Variants in ALDH1A2 observed in about 807,000 individuals in gnomAD.
ALDH1A2 encodes aldehyde dehydrogenase 1 family member A2, also known as retinal dehydrogenase 2.
A neutral mutation model predicts 60.3 loss-of-function variants in ALDH1A2; 27 were observed. The observed-to-expected ratio is 0.45, with a 90% CI of 0.33 to 0.62. ALDH1A2 has a LOEUF of 0.62. Ranked by LOEUF, ALDH1A2 falls within the 20% of genes least tolerant of loss-of-function variation. The pLI, the probability that ALDH1A2 is intolerant of heterozygous loss-of-function variation, is 0.02. For synonymous variants in ALDH1A2, 289 were observed against 232.4 expected, an observed-to-expected ratio of 1.24 and a Z score of -2.21; for missense variants, 581 against 643.8, an observed-to-expected ratio of 0.90 and a Z score of 1.06.
chr15:58,059,480 T>C (rs187300386), intron 1 of ALDH1A2, among the ~76,000 whole-genome samples: 2 of 152,336 alleles, frequency 1.3e-5, no homozygotes, highest in East Asian at 3.9e-4. Flanking sequence ...TAAAGTAAGA[T>C]ACCTTCCCAC....
rs148620459 is a variant in ALDH1A2, at chr15:57,969,441, T to C, written c.799-3614A>G. On this transcript the variant is annotated intron_variant, in intron 7 of 12. Coordinates refer to ENST00000249750, the MANE Select transcript of ALDH1A2 (RefSeq NM_003888.4). ...CCTGTGGGATTAGAAAGTATAAGAA[T>C]GAACGAATTACGCATACAACAAAGG... Among the ~76,000 whole-genome samples, 389 of 152,308 alleles carry C rather than the reference T, an allele frequency of 2.6e-3. 4 individuals are homozygous for C. The highest frequency in any genetic ancestry group is 9.1e-3 in the African/African-American group (380 of 41,568).
At chr15:58,045,660 C>T (rs1026170605) in intron 1 of ALDH1A2, among the ~76,000 whole-genome samples, 30 of 152,080 alleles carry the variant, frequency 2.0e-4, no homozygotes, top group Non-Finnish European at 3.7e-4. Context: ...AACCAAACAC[C>T]GCATATTCTC....
intron 7 of ALDH1A2, among the ~76,000 whole-genome samples, chr15:57,969,414 A>C (rs867604295): frequency 1.3e-5 from 2 of 152,344 alleles, no homozygotes; most frequent in South Asian, 4.1e-4. Flanking sequence ...CCGAAGTCAA[A>C]GCCTGTGGGA....
intron 4 of ALDH1A2, among the ~76,000 whole-genome samples, chr15:58,000,225 T>A (rs1232973814): frequency 1.3e-5 from 2 of 151,904 alleles, no homozygotes; most frequent in African/African-American, 4.8e-5. Flanking sequence ...CCCTAGACCT[T>A]GTAATCTCAC....
intron 1 of ALDH1A2, among the ~76,000 whole-genome samples, chr15:58,059,635 G>A (rs954790613): frequency 2.6e-5 from 4 of 152,012 alleles, no homozygotes; most frequent in East Asian, 1.9e-4. Context: ...TCAGCTAATC[G>A]GGCATATTGA....
intron 7 of ALDH1A2, among the ~76,000 whole-genome samples, chr15:57,977,276 T>C (rs578134195): frequency 3.9e-5 from 6 of 152,128 alleles, no homozygotes; most frequent in Non-Finnish European, 7.4e-5. Flanking sequence ...TTTGTCAATT[T>C]TGGCCATTGC....
intron 7 of ALDH1A2, among the ~76,000 whole-genome samples, chr15:57,977,042 G>C (rs1380695262): frequency 6.7e-6 from 1 of 150,320 alleles, no homozygotes; most frequent in Non-Finnish European, 1.5e-5. Context: ...CATGTTTAAC[G>C]GCCACGTCTT....
chr15:58,059,485 T>C (rs1896970209), intron 1 of ALDH1A2, among the ~76,000 whole-genome samples: 1 of 152,194 alleles, frequency 6.6e-6, no homozygotes, highest in Non-Finnish European at 1.5e-5. Flanking sequence ...TAAGATACCT[T>C]CCCACTGTCA....
At chr15:58,057,043 C>T (rs757988208) in intron 1 of ALDH1A2, among the ~76,000 whole-genome samples, 9 of 152,026 alleles carry the variant, frequency 5.9e-5, no homozygotes, top group Admixed American at 1.3e-4. Flanking sequence ...TACATATACT[C>T]CATGAGCCAG....
At chr15:57,987,881 CAAA>C (rs34307559) in intron 7 of ALDH1A2, among the ~76,000 whole-genome samples, 57 of 92,236 alleles carry the variant, frequency 6.2e-4, no homozygotes, top group African/African-American at 1.6e-3. Context: ...GCTGACCCCT[CAAA>C]AAAAAAAAAA....
intron 7 of ALDH1A2, chr15:57,979,909 G>C (rs1308523192): frequency 1.9e-5 from 7 of 363,034 alleles, no homozygotes; most frequent in Non-Finnish European, 3.4e-5. Context: ...CATCTGCAGG[G>C]ACATGGAGGA....
chr15:57,985,700 A>ACTATACATAAGATAC (rs1448249950), intron 7 of ALDH1A2, among the ~76,000 whole-genome samples: 2 of 152,150 alleles, frequency 1.3e-5, no homozygotes, highest in African/African-American at 4.8e-5. Context: ...ATGTATGTTT[A>ACTATACATAAGATAC]CTATACATAA....
rs539749399 is a variant in ALDH1A2 at position 58,027,923 on chromosome 15, T to C, written c.118-13642A>G. Among the ~76,000 whole-genome samples the C allele has an allele frequency of 1.6e-4, 24 of 152,292 alleles. No individual in the cohort carries two copies. The East Asian group carries it at 2.7e-3, about 17-fold the overall frequency. On this transcript the variant is annotated intron_variant, in intron 1 of 12. Transcript: ENST00000249750. Reference sequence around the variant, plus strand: ...GTGAAAAGACCAACTCTATGTTTGATTGGTGTACCTGAAAGTGACGGGGAC... The same window carrying C: ...GTGAAAAGACCAACTCTATGTTTGACTGGTGTACCTGAAAGTGACGGGGAC...
intron 7 of ALDH1A2, among the ~76,000 whole-genome samples, chr15:57,983,854 A>G (rs1437909081): frequency 1.3e-5 from 2 of 152,234 alleles, no homozygotes; most frequent in Admixed American, 1.3e-4. Context: ...AATTGACTGG[A>G]AACAACTTAA....
At chr15:58,011,836 GATAGGCATT>G (rs1895643233) in intron 3 of ALDH1A2, among the ~76,000 whole-genome samples, 1 of 152,160 alleles carries the variant, frequency 6.6e-6, no homozygotes, top group Admixed American at 6.5e-5. Flanking sequence ...ATGTTTACAA[GATAGGCATT>G]ACATTCTCTA....
chr15:57,960,697 AT>A (rs1555398604), intron 12 of ALDH1A2, 72 bp downstream of exon 12: 3 of 1,342,814 alleles, frequency 2.2e-6, no homozygotes, highest in Non-Finnish European at 2.1e-6. Flanking sequence ...TAATTAAACT[AT>A]TTTTTAAGTA....
At chr15:58,036,086 A>C (rs1159521989) in intron 1 of ALDH1A2, among the ~76,000 whole-genome samples, 1 of 151,692 alleles carries the variant, frequency 6.6e-6, no homozygotes, top group Non-Finnish European at 1.5e-5. Context: ...TTGCTATTAT[A>C]ATATGAAATA....
At chr15:58,024,961 G>A (rs1341327570) in intron 1 of ALDH1A2, among the ~76,000 whole-genome samples, 1 of 151,996 alleles carries the variant, frequency 6.6e-6, no homozygotes, top group Non-Finnish European at 1.5e-5. Flanking sequence ...AATAAAAATA[G>A]AAATTTAAAA....
intron 1 of ALDH1A2, among the ~76,000 whole-genome samples, chr15:58,045,155 A>G (rs1349853923): frequency 6.6e-6 from 1 of 152,130 alleles, no homozygotes; most frequent in Non-Finnish European, 1.5e-5. Flanking sequence ...AATGCTCATC[A>G]TTGGTCATTA....
Sources: allele counts gnomAD v4.1 joint callset (sites outside exome capture counted in the v4.1 genomes callset), GRCh38; gene constraint gnomAD v4.1.1; transcripts MANE v1.5; gene names NCBI Gene and HGNC (gene_info 2026-07-23, HGNC 2026-07-21).